Variants in JMJD1C observed in about 807,000 individuals in gnomAD.
JMJD1C encodes the protein jumonji domain-containing protein 1C.
JMJD1C carries 31 observed loss-of-function variants against 245.3 expected under a neutral mutation model. The observed-to-expected ratio is 0.13, with a 90% CI of 0.09 to 0.17. The LOEUF is 0.17. JMJD1C is among the 10% of genes least tolerant of loss of function. JMJD1C has a pLI of 1.00. For missense variants in JMJD1C, 2,691 were observed against 3,000.2 expected (o/e 0.90, Z 2.41); for synonymous variants, 1,057 against 1,017.4 (o/e 1.04, Z -0.74).
At chr10:63,443,867 C>T (rs1464607298) in intron 1 of JMJD1C, among the ~76,000 whole-genome samples, 4 of 152,138 alleles carry the variant, frequency 2.6e-5, no homozygotes, top group Non-Finnish European at 5.9e-5. Context: ...CCCTATCACT[C>T]GGGAGAGTCC....
intron 3 of JMJD1C, among the ~76,000 whole-genome samples, chr10:63,260,659 G>A (rs959218834): frequency 2.0e-5 from 3 of 151,870 alleles, no homozygotes; most frequent in African/African-American, 7.3e-5. Flanking sequence ...GCGCGGTCTC[G>A]GCTCACTGAA....
chr10:63,312,573 C>A (rs1384424266), intron 2 of JMJD1C, among the ~76,000 whole-genome samples: 4 of 152,060 alleles, frequency 2.6e-5, no homozygotes, highest in Admixed American at 2.6e-4. Context: ...TTCTTTCTTA[C>A]AAGGATTGAA....
chr10:63,515,007 G>A (rs1954976218), intron 1 of JMJD1C, among the ~76,000 whole-genome samples: 1 of 152,010 alleles, frequency 6.6e-6, no homozygotes, highest in African/African-American at 2.4e-5. Context: ...CTAGGGTGAT[G>A]GGGGAGGAGA....
chr10:63,348,391 A>G (rs1240271883), intron 2 of JMJD1C, among the ~76,000 whole-genome samples: 1 of 152,144 alleles, frequency 6.6e-6, no homozygotes, highest in Non-Finnish European at 1.5e-5. Context: ...CTCAGTTTAC[A>G]CCATGACTAA....
In JMJD1C at chr10:63,208,526, T is replaced by C. The variant is rs1486683352; in HGVS notation, c.3143A>G (p.Asn1048Ser). The C allele has an allele frequency of 8.7e-6, 14 of 1,614,038 alleles. No individual in the cohort carries two copies. The highest frequency in any genetic ancestry group is 1.1e-5 in the Non-Finnish European group (13 of 1,180,008). Residue 1048 changes from asparagine to serine, a missense_variant, in exon 10 of 26, where the codon AAT (asparagine) becomes AGT (serine). By Grantham distance (46) the Asn-to-Ser change is conservative. Transcript: ENST00000399262. Reference sequence around the variant, plus strand: ...AGATGATGATGCCACTCTGGAATAATTCTCTCTCTCACCCTCAAGTCCCTT... The same window carrying C: ...AGATGATGATGCCACTCTGGAATAACTCTCTCTCTCACCCTCAAGTCCCTT... ...KIKGLEGERE[N>S]YSRVASSSSS...
At position 63,465,850 on chromosome 10, in the gene JMJD1C, C is replaced by G. The variant is rs914457584; in HGVS notation, c.-188G>C. 1 of 702,840 alleles carries G rather than the reference C, an allele frequency of 1.4e-6. No individual in the cohort carries two copies. The highest frequency in any genetic ancestry group is 1.7e-5 in the African/African-American group (1 of 57,180). The allele number at this position is 702,840 out of a possible 1,614,324, so 43.5% of individuals were successfully genotyped here. A position where few individuals can be genotyped will look rare whatever the true frequency, so the allele number is the denominator to read the frequency against. On this transcript the variant is annotated 5_prime_UTR_variant, in exon 1 of 26. Coordinates refer to ENST00000399262, the MANE Select transcript of JMJD1C (RefSeq NM_032776.3). ...CGACCTCGGGCCCTCCCCGCAAACA[C>G]TCCTTTGGACTCCCAGATTCGCAGC...
intron 1 of JMJD1C, among the ~76,000 whole-genome samples, chr10:63,436,008 T>C (rs1951040483): frequency 6.6e-6 from 1 of 152,188 alleles, no homozygotes; most frequent in Admixed American, 6.5e-5. Context: ...GGCAAAACCC[T>C]GAGATATTTT....
In JMJD1C at chr10:63,266,967, T is replaced by C. The variant is rs187999978; in HGVS notation, c.334-2203A>G. Among the ~76,000 whole-genome samples the C allele has an allele frequency of 2.4e-3, 369 of 152,222 alleles. 3 individuals carry two copies. The South Asian group carries it at 0.03, about 12-fold the overall frequency. ...ATGATTTAAATTATTCTAAGTTAAT[T>C]TGAAAAAAGGATTTCTAAGCTAAAA... On this transcript the variant is annotated intron_variant, in intron 2 of 25. Coordinates refer to ENST00000399262, the MANE Select transcript of JMJD1C (RefSeq NM_032776.3).
intron 2 of JMJD1C, among the ~76,000 whole-genome samples, chr10:63,328,483 A>C (rs1052457005): frequency 6.6e-6 from 1 of 152,220 alleles, no homozygotes; most frequent in African/African-American, 2.4e-5. Flanking sequence ...GAATAACATT[A>C]TATTTATAGA....
At chr10:63,265,376 T>A (rs1361119700) in intron 2 of JMJD1C, among the ~76,000 whole-genome samples, 1 of 151,764 alleles carries the variant, frequency 6.6e-6, no homozygotes, top group Non-Finnish European at 1.5e-5. Flanking sequence ...AACTCTACTT[T>A]GCAGTCAAGT....
At chr10:63,461,835 G>C (rs553497140) in intron 1 of JMJD1C, among the ~76,000 whole-genome samples, 1 of 152,252 alleles carries the variant, frequency 6.6e-6, no homozygotes, top group Admixed American at 6.5e-5. Context: ...TGGATGGATA[G>C]ATAAGCAAAT....
chr10:63,174,862 A>C (rs1313802856), intron 24 of JMJD1C, among the ~76,000 whole-genome samples: 1 of 152,002 alleles, frequency 6.6e-6, no homozygotes, highest in African/African-American at 2.4e-5. Context: ...AAAACAAAAA[A>C]AAAAACTGCA....
intron 1 of JMJD1C, among the ~76,000 whole-genome samples, chr10:63,474,856 T>TA (rs35508893): frequency 0.17 from 25,016 of 144,522 alleles, 2,582 homozygotes; most frequent in Admixed American, 0.32. Context: ...CTCAAATTAT[T>TA]AAAAAAAAAA....
At chr10:63,194,396 T>C (rs1407589748) in intron 13 of JMJD1C, 21 bp from the exon 14 acceptor site, 4 of 1,378,790 alleles carry the variant, frequency 2.9e-6, no homozygotes, top group Non-Finnish European at 1.0e-6. Context: ...ATAAAACTTG[T>C]ATATCACACT....
intron 1 of JMJD1C, among the ~76,000 whole-genome samples, chr10:63,391,791 C>G (rs924556619): frequency 2.0e-5 from 3 of 152,020 alleles, no homozygotes; most frequent in Non-Finnish European, 2.9e-5. Context: ...ATAGAGAAAA[C>G]AATCCTAAAA....
chr10:63,486,487 A>G (rs1457183422), intron 1 of JMJD1C, among the ~76,000 whole-genome samples: 1 of 152,172 alleles, frequency 6.6e-6, no homozygotes, highest in Non-Finnish European at 1.5e-5. Flanking sequence ...CGGAAAATGG[A>G]TAGAAATAAT....
intron 3 of JMJD1C, among the ~76,000 whole-genome samples, chr10:63,256,708 A>C (rs532112256): frequency 1.1e-4 from 16 of 152,348 alleles, no homozygotes; most frequent in African/African-American, 3.6e-4. Context: ...TACCAAGCCA[A>C]TAATCTACCA....
chr10:63,426,587 C>T (rs9415706), intron 1 of JMJD1C, among the ~76,000 whole-genome samples: 21,040 of 152,030 alleles, frequency 0.14, 2,100 homozygotes, highest in East Asian at 0.29. Flanking sequence ...AGGAGAATCA[C>T]CTGAACCCAG....
rs1332290482 is a variant in JMJD1C, at chr10:63,214,907, C to G, written c.1260G>C (p.Glu420Asp). 4 of 1,612,660 alleles carry G rather than the reference C, an allele frequency of 2.5e-6. No individual in the cohort carries two copies. Among genetic ancestry groups the G allele is most frequent in the Non-Finnish European group, 1.7e-6 (2 of 1,178,996 alleles). Reference sequence around the variant, plus strand: ...TTTTTAGGGTCTCTTCTCCTGCCTTCTCATTATTATGGGGTTTTCCTTCTT... The same window carrying G: ...TTTTTAGGGTCTCTTCTCCTGCCTTGTCATTATTATGGGGTTTTCCTTCTT... ...NGEEGKPHNN[E>D]KAGEETLKNS... Residue 420 changes from glutamate to aspartate, a missense_variant, in exon 8 of 26, where the codon GAG becomes GAC. Physicochemically the swap from Glu to Asp is conservative, Grantham distance 45 (BLOSUM62 2). This residue lies in a region of JMJD1C where 1,562 missense variants were observed against 1,490.7 expected (regional missense o/e 1.05). Transcript: ENST00000399262.
Sources: gnomAD v4.1 joint callset for allele counts (sites outside exome capture counted in the v4.1 genomes callset) on GRCh38, gnomAD v4.1.1 for gene constraint, gnomAD v4.1.1 regional missense constraint, MANE v1.5 for transcripts, NCBI Gene and HGNC (gene_info 2026-07-23, HGNC 2026-07-21) for gene names.